The following SLC27A4 variants were observed in gnomAD, a reference collection of about 807,000 sequenced individuals.
SLC27A4 encodes solute carrier family 27 member 4.
A neutral mutation model predicts 64.4 loss-of-function variants in SLC27A4; 33 were observed. The ratio of observed to expected loss-of-function variants is 0.51; its 90% CI spans 0.39 to 0.68. SLC27A4 has a LOEUF of 0.68. Among genes scored for constraint, SLC27A4 ranks in the 30% least tolerant of loss-of-function variants. The pLI is 0.00. For synonymous variants in SLC27A4, 377 were observed against 370.0 expected, an observed-to-expected ratio of 1.02 and a Z score of -0.22; for missense variants, 824 against 883.5, an observed-to-expected ratio of 0.93 and a Z score of 0.85.
intron 1 of SLC27A4, chr9:128,342,465 G>C (rs186721923): frequency 1.9e-4 from 294 of 1,517,696 alleles, no homozygotes; most frequent in Non-Finnish European, 2.5e-4. Context: ...CAAAGAGGTT[G>C]GATCAAGTTT....
chr9:128,355,633 T>C lies in SLC27A4; in HGVS notation c.1628-17T>C. On this transcript the variant is annotated splice_polypyrimidine_tract_variant and intron_variant, in intron 11 of 12. Coordinates refer to ENST00000300456, the MANE Select transcript of SLC27A4 (RefSeq NM_005094.4). Reference sequence around the variant, plus strand: ...GGGGCACCACCAGCTACTCAGTGTCTACCCTGCCACCCCCAGGAACCGAGG... The same window carrying C: ...GGGGCACCACCAGCTACTCAGTGTCCACCCTGCCACCCCCAGGAACCGAGG... The C allele has an allele frequency of 2.5e-6, 4 of 1,608,802 alleles. No individual in the cohort carries two copies. Among genetic ancestry groups the C allele is most frequent in the Non-Finnish European group, 3.4e-6 (4 of 1,179,992 alleles).
intron 12 of SLC27A4, among the ~76,000 whole-genome samples, chr9:128,358,270 A>C (rs1814815736): frequency 6.6e-6 from 1 of 152,120 alleles, no homozygotes. Flanking sequence ...CCTCTGCAGC[A>C]CTGTCCAACA....
chr9:128,343,792 G>A (rs1039369027), intron 2 of SLC27A4, among the ~76,000 whole-genome samples: 3 of 152,296 alleles, frequency 2.0e-5, no homozygotes, highest in East Asian at 1.9e-4. Flanking sequence ...ATCTATTCCC[G>A]CTTGTTCTCT....
chr9:128,353,110 C>T lies in SLC27A4; in HGVS notation c.1073C>T (p.Ala358Val), dbSNP rs1352625035. 7 of 1,614,076 alleles carry T rather than the reference C, an allele frequency of 4.3e-6. No homozygotes were observed. Among genetic ancestry groups the T allele is most frequent in the Non-Finnish European group, 5.9e-6 (7 of 1,180,028 alleles). ...GAAAACCAGCACCAGGTTCGCATGG[C>T]ACTAGGCAATGGCCTCCGGCAGTCC... ...EAENQHQVRM[A>V]LGNGLRQSIW... Residue 358 changes from alanine to valine, a missense_variant, in exon 8 of 13, where the codon GCA becomes GTA. Physicochemically the swap from Ala to Val is moderately conservative, Grantham distance 64. Coordinates refer to ENST00000300456, the MANE Select transcript of SLC27A4 (RefSeq NM_005094.4). This position sits in a 1 kb window ranked among gnomAD's most constrained non-coding sequence, Gnocchi z 4.9.
At position 128,348,568 on chromosome 9, in the gene SLC27A4, C is replaced by T. The variant is rs569192295; in HGVS notation, c.580C>T (p.Leu194=). 22 of 1,613,368 alleles carry T rather than the reference C, an allele frequency of 1.4e-5. No individual in the cohort carries two copies. The South Asian group carries it at 2.4e-4, about 18-fold the overall frequency. The change falls in exon 4 of 13, where the codon CTG becomes TTG. Residue 194 remains leucine (L), a synonymous_variant. Coordinates refer to ENST00000300456, the MANE Select transcript of SLC27A4 (RefSeq NM_005094.4). ...AGCCATCTGTGAGGTCCATGCCAGCCTGGACCCCTCGCTCAGCCTCTTCTG... is the reference window on the plus strand; with the variant it reads ...AGCCATCTGTGAGGTCCATGCCAGCTTGGACCCCTCGCTCAGCCTCTTCTG... The part of the protein sequence containing the change: ...ASAICEVHAS[L]DPSLSLFCSG...
At chr9:128,342,400 C>T (rs1218650490) in intron 1 of SLC27A4, 4 of 1,607,196 alleles carry the variant, frequency 2.5e-6, no homozygotes, top group East Asian at 4.5e-5. Flanking sequence ...ATTGTACATT[C>T]CACAAGTATT....
In SLC27A4 at chr9:128,360,369, G is replaced by A. The variant is rs1832880587; in HGVS notation, c.1810G>A (p.Glu604Lys). 2 of 1,614,046 alleles carry A rather than the reference G, an allele frequency of 1.2e-6. No homozygotes were observed. The highest frequency in any genetic ancestry group is 3.3e-5 in the Admixed American group (2 of 59,986). The change falls in exon 13 of 13, where the codon GAG becomes AAG. Residue 604 changes from glutamate (E) to lysine (K), a missense_variant. By Grantham distance (56) the Glu-to-Lys change is moderately conservative (BLOSUM62 1). Transcript: ENST00000300456. ...GTTCCAGAAGACAGAGCTACGGAAG[G>A]AGGGCTTTGACCCGGCTATTGTGAA... is the stretch of plus-strand genomic sequence containing the variant. ...YKFQKTELRK[E>K]GFDPAIVKDP...
At chr9:128,347,117 A>T (rs1832669557) in intron 3 of SLC27A4, among the ~76,000 whole-genome samples, 1 of 152,204 alleles carries the variant, frequency 6.6e-6, no homozygotes, top group South Asian at 2.1e-4. Context: ...CTCATCTGTA[A>T]AATGGGAACA....
At position 128,355,713 on chromosome 9, in the gene SLC27A4, G is replaced by T; in HGVS notation, c.1691G>T (p.Arg564Leu). Residue 564 changes from arginine (R) to leucine (L), a missense_variant, in exon 12 of 13, where the codon CGC (arginine) becomes CTC (leucine). Transcript: ENST00000300456. ...CCCACTGGCAACTGTGACCTGGAGC[G>T]CTTTGCTCAGGTCTTGGAGAAGGAA... ...ASPTGNCDLE[R>L]FAQVLEKELP... is the part of the protein sequence containing the mutation. The T allele has an allele frequency of 6.2e-7, 1 of 1,613,406 alleles. No individual in the cohort carries two copies. Among genetic ancestry groups the T allele is most frequent in the Non-Finnish European group, 8.5e-7 (1 of 1,180,020 alleles).
At chr9:128,356,885 A>G (rs2131271161) in intron 12 of SLC27A4, among the ~76,000 whole-genome samples, 1 of 152,250 alleles carries the variant, frequency 6.6e-6, no homozygotes, top group Non-Finnish European at 1.5e-5. Context: ...TGAGCTCAGG[A>G]GTTTGAGACC....
At chr9:128,342,246 C>T (rs758087863) in intron 1 of SLC27A4, 8 of 1,610,624 alleles carry the variant, frequency 5.0e-6, no homozygotes, top group African/African-American at 2.7e-5. Context: ...CTGACAAACC[C>T]GATATGGCTG....
chr9:128,342,809 A>C, intron 1 of SLC27A4: 1 of 481,004 alleles, frequency 2.1e-6, no homozygotes, highest in Middle Eastern at 6.1e-4. Context: ...CACAGAGGGC[A>C]GATACTAAGG....
rs761823526 is a variant in SLC27A4, at chr9:128,353,170, C to A, written c.1133C>A (p.Pro378His). 6 of 1,614,178 alleles carry A rather than the reference C, an allele frequency of 3.7e-6. No homozygotes were observed. The highest frequency in any genetic ancestry group is 3.4e-6 in the Non-Finnish European group (4 of 1,180,040). ...AACTTTTCCAGCCGCTTCCACATAC[C>A]CCAGGTGGCTGAGTTCTACGGGGCC... ...WTNFSSRFHI[P>H]QVAEFYGATE... The change falls in exon 8 of 13, where the codon CCC becomes CAC. Residue 378 changes from proline to histidine, a missense_variant. Coordinates refer to ENST00000300456, the MANE Select transcript of SLC27A4 (RefSeq NM_005094.4). This position sits in a 1 kb window ranked among gnomAD's most constrained non-coding sequence, Gnocchi z 4.9.
intron 4 of SLC27A4, among the ~76,000 whole-genome samples, chr9:128,349,550 C>T (rs1235758242): frequency 6.6e-6 from 1 of 152,136 alleles, no homozygotes; most frequent in Non-Finnish European, 1.5e-5. Context: ...TGAATCTGGT[C>T]TCTTGGGTGC....
chr9:128,356,535 C>T (rs768612775), intron 12 of SLC27A4, among the ~76,000 whole-genome samples: 5 of 152,246 alleles, frequency 3.3e-5, no homozygotes, highest in Admixed American at 6.5e-5. Context: ...CGCAGTGGCT[C>T]ATGCCTGTAA....
rs1229911991 is a variant in SLC27A4, at chr9:128,353,211, A to G, written c.1174A>G (p.Ser392Gly). 1 of 1,613,986 alleles carries G rather than the reference A, an allele frequency of 6.2e-7. No individual in the cohort carries two copies. The highest frequency in any genetic ancestry group is 1.3e-5 in the African/African-American group (1 of 74,932). The change falls in exon 8 of 13, where the codon AGC becomes GGC. Residue 392 changes from serine (S) to glycine (G), a missense_variant. Physicochemically the swap from Ser to Gly is moderately conservative, Grantham distance 56. Transcript: ENST00000300456. The surrounding 1 kb of genome is among the most constrained non-coding windows in gnomAD (Gnocchi z 4.9). Reference protein sequence around the residue: ...EFYGATECNCSLGNFDSQVGA... With the variant: ...EFYGATECNCGLGNFDSQVGA... The stretch of plus-strand genomic sequence containing the variant: ...CTACGGGGCCACAGAGTGCAACTGT[A>G]GCCTGGGCAACTTCGACAGCCAGGT...
At position 128,350,331 on chromosome 9, in the gene SLC27A4, C is replaced by T; in HGVS notation, c.735C>T (p.Tyr245=). 1.2e-6 allele frequency: 2 copies of T among 1,613,212 alleles called. No individual in the cohort carries two copies. The highest frequency in any genetic ancestry group is 1.7e-4 in the Middle Eastern group (1 of 6,002). The change falls in exon 5 of 13, where the codon TAC becomes TAT. Residue 245 remains tyrosine (Y), a synonymous_variant. Coordinates refer to ENST00000300456, the MANE Select transcript of SLC27A4 (RefSeq NM_005094.4). Reference sequence around the variant, plus strand: ...CTTTAGATAAACTGTTCTACATCTACACATCCGGCACCACAGGGCTGCCCA... The same window carrying T: ...CTTTAGATAAACTGTTCTACATCTATACATCCGGCACCACAGGGCTGCCCA... ...KGFTDKLFYI[Y]TSGTTGLPKA...
In SLC27A4 at chr9:128,345,509, G is replaced by A. The variant is rs769915825; in HGVS notation, c.516G>A (p.Ser172=). 1.1e-5 allele frequency: 17 copies of A among 1,609,698 alleles called. No homozygotes were observed. The highest frequency in any genetic ancestry group is 6.7e-5 in the Admixed American group (4 of 59,674). ...CTCTGCTCCACTGCCTCACCACCTC[G>A]CGCGCACGGGCCCTTGTCTTTGGCA... ...RDALLHCLTT[S]RARALVFGSE... is the part of the protein sequence containing the mutation. Residue 172 remains serine, a synonymous_variant, in exon 3 of 13, where the codon TCG becomes TCA. Coordinates refer to ENST00000300456, the MANE Select transcript of SLC27A4 (RefSeq NM_005094.4). The surrounding 1 kb of genome is among the most constrained non-coding windows in gnomAD (Gnocchi z 4.1).
chr9:128,355,601 C>T (rs761949482), intron 11 of SLC27A4, 39 bp downstream of exon 11: 11 of 1,607,104 alleles, frequency 6.8e-6, no homozygotes, highest in African/African-American at 6.7e-5. Flanking sequence ...TAGGGAGGCA[C>T]CACCCAGGGG....
Sources: allele counts gnomAD v4.1 joint callset (sites outside exome capture counted in the v4.1 genomes callset), GRCh38; gene constraint gnomAD v4.1.1; non-coding constraint Gnocchi (gnomAD v3.1); transcripts MANE v1.5; gene names NCBI Gene and HGNC (gene_info 2026-07-23, HGNC 2026-07-21).